LRPPRC: variants seen among roughly 807,000 people sequenced by gnomAD.
The protein encoded by LRPPRC is leucine rich pentatricopeptide repeat containing.
LRPPRC carries 120 observed loss-of-function variants against 180.3 expected under a neutral mutation model. The ratio of observed to expected loss-of-function variants is 0.67; its 90% CI spans 0.57 to 0.77. The LOEUF (loss-of-function observed/expected upper bound fraction) is 0.77. Ranked by LOEUF, LRPPRC falls within the 30% of genes least tolerant of loss-of-function variation. The pLI is 0.00. For missense variants in LRPPRC, 2,012 were observed against 1,657.2 expected (o/e 1.21, Z -3.72); for synonymous variants, 723 against 600.0 (o/e 1.21, Z -3.00).
intron 33 of LRPPRC, 59 bp downstream of exon 33, chr2:43,899,407 C>A: frequency 6.2e-7 from 1 of 1,610,644 alleles, no homozygotes; most frequent in South Asian, 1.1e-5. Context: ...GAAATTTGGT[C>A]TAGTCTCACT....
Position 43,901,357 on chromosome 2 carries a change from C to A in LRPPRC, c.3532G>T (p.Val1178Phe). 1.2e-6 allele frequency: 2 copies of A among 1,613,980 alleles called. No homozygotes were observed. Among genetic ancestry groups the A allele is most frequent in the Non-Finnish European group, 8.5e-7 (1 of 1,179,882 alleles). The change falls in exon 32 of 38, where the codon GTT (valine) becomes TTT (phenylalanine). Residue 1178 changes from valine to phenylalanine, a missense_variant. By Grantham distance (50) the Val-to-Phe change is conservative. Coordinates refer to ENST00000260665, the MANE Select transcript of LRPPRC (RefSeq NM_133259.4). ...LEDSIGLSKMVFINNIALAQI... is the reference protein window; with the variant it reads ...LEDSIGLSKMFFINNIALAQI... ...GCCAAAGCAATGTTATTGATGAAAA[C>A]CATTTTTGAAAGTCCAATGGAGTCT...
intron 34 of LRPPRC, among the ~76,000 whole-genome samples, chr2:43,897,000 A>C (rs1000239321): frequency 6.6e-6 from 1 of 152,214 alleles, no homozygotes; most frequent in African/African-American, 2.4e-5. Flanking sequence ...TAGGACTGCA[A>C]AGAAAGAGGA....
At chr2:43,972,901 A>G (rs1245522797) in intron 11 of LRPPRC, among the ~76,000 whole-genome samples, 1 of 152,202 alleles carries the variant, frequency 6.6e-6, no homozygotes, top group Admixed American at 6.5e-5. Context: ...AGGGGAAAGT[A>G]CTTCTGTTAA....
rs760257605 is a variant in LRPPRC at position 43,976,176 on chromosome 2, A to C, written c.704T>G (p.Phe235Cys). The C allele has an allele frequency of 1.9e-6, 3 of 1,613,024 alleles. No homozygotes were observed. In the South Asian group the frequency reaches 3.3e-5, roughly 18 times the overall value. ...GGCATGCCCTGTCACAAGGGCACTG[A>C]ATACTGCCTCTGTAACTGGGAGATC... The part of the protein sequence containing the change: ...TKDLPVTEAV[F>C]SALVTGHARA... Residue 235 changes from phenylalanine to cysteine, a missense_variant, in exon 6 of 38, where the codon TTC becomes TGC. Phe to Cys is a radical substitution (Grantham distance 205). Transcript: ENST00000260665.
At chr2:43,942,069 C>T (rs1372788182) in intron 23 of LRPPRC, among the ~76,000 whole-genome samples, 1 of 152,006 alleles carries the variant, frequency 6.6e-6, no homozygotes, top group Non-Finnish European at 1.5e-5. Flanking sequence ...TTGAATTCCA[C>T]ACCGTTTCCA....
At chr2:43,920,507 T>A (rs564364532) in intron 27 of LRPPRC, among the ~76,000 whole-genome samples, 1 of 152,036 alleles carries the variant, frequency 6.6e-6, no homozygotes, top group Non-Finnish European at 1.5e-5. Flanking sequence ...AAGTGCAGAG[T>A]GATTTTATAC....
chr2:43,896,057 T>C (rs79480109), intron 35 of LRPPRC, among the ~76,000 whole-genome samples: 1,547 of 152,188 alleles, frequency 0.01, 33 homozygotes, highest in African/African-American at 0.035. Flanking sequence ...AAGTGGCTCA[T>C]TTACCTGATG....
At chr2:43,996,233 T>G (rs1460625859), upstream of LRPPRC, among the ~76,000 whole-genome samples, 2 of 152,208 alleles carry the variant, frequency 1.3e-5, no homozygotes, top group Non-Finnish European at 2.9e-5. Context: ...ACCCCTGCAC[T>G]CCTCTGTTGG....
intron 25 of LRPPRC, among the ~76,000 whole-genome samples, chr2:43,926,175 T>G (rs896464352): frequency 1.3e-5 from 2 of 152,050 alleles, no homozygotes; most frequent in Non-Finnish European, 2.9e-5. Flanking sequence ...TCAAAGACCT[T>G]TAAGTAAGAG....
At chr2:43,908,504 AT>A (rs1456094922) in intron 30 of LRPPRC, among the ~76,000 whole-genome samples, 1 of 152,140 alleles carries the variant, frequency 6.6e-6, no homozygotes, top group Non-Finnish European at 1.5e-5. Flanking sequence ...CAAAATAAAA[AT>A]GATATTTTTT....
At chr2:43,971,844 T>C (rs1673829839) in intron 11 of LRPPRC, among the ~76,000 whole-genome samples, 3 of 152,190 alleles carry the variant, frequency 2.0e-5, no homozygotes. Context: ...TACTTTACTA[T>C]CTTTCAGGAC....
chr2:43,969,797 C>T (rs922577118), intron 11 of LRPPRC, among the ~76,000 whole-genome samples: 3 of 151,998 alleles, frequency 2.0e-5, no homozygotes, highest in Non-Finnish European at 2.9e-5. Flanking sequence ...ATCCTCCCAC[C>T]CCAGCCTCCC....
intron 34 of LRPPRC, 64 bp from the exon 35 acceptor site, chr2:43,896,772 A>G: frequency 1.1e-6 from 1 of 949,982 alleles, no homozygotes; most frequent in South Asian, 1.3e-5. Flanking sequence ...CAAACTGAAT[A>G]TTTCCAATTA....
chr2:43,914,175 T>C (rs142887797), intron 29 of LRPPRC, among the ~76,000 whole-genome samples: 6 of 152,336 alleles, frequency 3.9e-5, no homozygotes, highest in African/African-American at 9.6e-5. Context: ...TTGGAAACTC[T>C]TGTTGTTTTC....
intron 23 of LRPPRC, among the ~76,000 whole-genome samples, chr2:43,942,570 T>C (rs1438689161): frequency 6.6e-6 from 1 of 152,164 alleles, no homozygotes; most frequent in Non-Finnish European, 1.5e-5. Flanking sequence ...ACACATTTTT[T>C]TAAGTTAGTT....
intron 14 of LRPPRC, among the ~76,000 whole-genome samples, chr2:43,952,975 AC>A (rs1672963510): frequency 1.3e-5 from 2 of 152,144 alleles, no homozygotes; most frequent in Admixed American, 6.5e-5. Flanking sequence ...ACTCATAAAG[AC>A]CCCTGGGCTA....
intron 1 of LRPPRC, among the ~76,000 whole-genome samples, chr2:43,988,113 G>A (rs1179071782): frequency 6.6e-6 from 1 of 151,708 alleles, no homozygotes; most frequent in South Asian, 2.1e-4. Flanking sequence ...GGTGGCAGGT[G>A]CCTGTAATCC....
Position 43,995,938 on chromosome 2 carries a change from G to C in LRPPRC, c.10C>G (p.Leu4Val). MAA[L>V]LRSARWLLRA... ...AGCAACCAACGCGCGGATCTCAGCAGGGCTGCCATTGCTCGAACGTCCCCG... is the reference window on the plus strand; with the variant it reads ...AGCAACCAACGCGCGGATCTCAGCACGGCTGCCATTGCTCGAACGTCCCCG... The change falls in exon 1 of 38, where the codon CTG becomes GTG. Residue 4 changes from leucine (L) to valine (V), a missense_variant. Coordinates refer to ENST00000260665, the MANE Select transcript of LRPPRC (RefSeq NM_133259.4). 3 of 1,526,370 alleles carry C rather than the reference G, an allele frequency of 2.0e-6. No homozygotes were observed. The highest frequency in any genetic ancestry group is 2.6e-6 in the Non-Finnish European group (3 of 1,143,344). 94.6% of individuals were successfully genotyped at this position (1,526,370 alleles called of 1,614,324 possible). A position where few individuals can be genotyped will look rare whatever the true frequency, so the allele number is the denominator to read the frequency against.
At chr2:43,988,702 C>G (rs972093464) in intron 1 of LRPPRC, among the ~76,000 whole-genome samples, 2 of 152,018 alleles carry the variant, frequency 1.3e-5, no homozygotes, top group Non-Finnish European at 2.9e-5. Flanking sequence ...CCACGCCCAG[C>G]TAATTTTTTT....
Sources: gnomAD v4.1 joint callset for allele counts (sites outside exome capture counted in the v4.1 genomes callset) on GRCh38, gnomAD v4.1.1 for gene constraint, MANE v1.5 for transcripts, NCBI Gene and HGNC (gene_info 2026-07-23, HGNC 2026-07-21) for gene names.